The following TLL2 variants were observed in gnomAD, a reference collection of about 807,000 sequenced individuals.
The protein encoded by TLL2 is tolloid-like protein 2.
TLL2 carries 106 observed loss-of-function variants against 123.0 expected under a neutral mutation model. The ratio of observed to expected loss-of-function variants is 0.86; its 90% confidence interval spans 0.74 to 1.01. The LOEUF is 1.01. Among genes scored for constraint, TLL2 ranks in the 50% least tolerant of loss-of-function variants. TLL2 has a pLI of 0.00. For synonymous variants in TLL2, 494 were observed against 516.8 expected, an observed-to-expected ratio of 0.96 and a Z score of 0.60; for missense variants, 1,332 against 1,336.7, an observed-to-expected ratio of 1.00 and a Z score of 0.06.
chr10:96,495,844 C>T (rs1326222463), intron 1 of TLL2, among the ~76,000 whole-genome samples: 1 of 152,028 alleles, frequency 6.6e-6, no homozygotes, highest in Non-Finnish European at 1.5e-5. Flanking sequence ...TGGCCTTCTC[C>T]AGGAATAGAT....
Position 96,422,710 on chromosome 10 carries a change from C to G in TLL2, c.656G>C (p.Gly219Ala). 2 of 1,614,166 alleles carry G rather than the reference C, an allele frequency of 1.2e-6. No homozygotes were observed. The highest frequency in any genetic ancestry group is 4.5e-5 in the East Asian group (2 of 44,884). Residue 219 changes from glycine to alanine, a missense_variant, in exon 6 of 21, where the codon GGG becomes GCG. Coordinates refer to ENST00000357947, the MANE Select transcript of TLL2 (RefSeq NM_012465.4). ...YRTCGCCSYV[G>A]RRGGGPQAIS... Reference sequence around the variant, plus strand: ...GGCCTGTGGGCCTCCTCCTCGGCGCCCAACATAGGAGCAACAGCTGGACAA... The same window carrying G: ...GGCCTGTGGGCCTCCTCCTCGGCGCGCAACATAGGAGCAACAGCTGGACAA...
At chr10:96,449,452 A>G (rs1846933032) in intron 2 of TLL2, among the ~76,000 whole-genome samples, 1 of 152,236 alleles carries the variant, frequency 6.6e-6, no homozygotes, top group African/African-American at 2.4e-5. Context: ...CATGGCAGTT[A>G]AGAATATAGA....
chr10:96,378,811 G>A (rs3827865), intron 17 of TLL2, among the ~76,000 whole-genome samples, 156 bp downstream of exon 17: 50,883 of 152,126 alleles, frequency 0.33, 9,343 homozygotes, highest in East Asian at 0.66. Flanking sequence ...AGATGCCCTG[G>A]GGAAAACTCT....
chr10:96,402,891 C>A (rs572092086), intron 10 of TLL2, among the ~76,000 whole-genome samples: 3 of 152,312 alleles, frequency 2.0e-5, no homozygotes, highest in Non-Finnish European at 4.4e-5. Flanking sequence ...AGCAGTGACA[C>A]CCCACAGTTT....
chr10:96,448,593 G>A (rs1846923426), intron 2 of TLL2, among the ~76,000 whole-genome samples: 1 of 152,172 alleles, frequency 6.6e-6, no homozygotes, highest in Non-Finnish European at 1.5e-5. Flanking sequence ...TGATGCAGAA[G>A]AAACTGTACC....
chr10:96,385,928 G>T, intron 15 of TLL2, 127 bp downstream of exon 15: 1 of 947,248 alleles, frequency 1.1e-6, no homozygotes, highest in Non-Finnish European at 1.4e-6. Context: ...TGCTAGCGCA[G>T]GTCCTAAGAC....
intron 1 of TLL2, among the ~76,000 whole-genome samples, chr10:96,486,876 T>C (rs1215455774): frequency 6.6e-6 from 1 of 152,154 alleles, no homozygotes; most frequent in African/African-American, 2.4e-5. Context: ...TCCCACACTG[T>C]CCCCTGGGCC....
rs559117140 is a variant in TLL2, at chr10:96,403,948, C to T, written c.1267+1284G>A. Reference sequence around the variant, plus strand: ...GAAACATAAATCTGGCCTACGTGCACATCCAGGCATAGTACCTTCCCTTGA... The same window carrying T: ...GAAACATAAATCTGGCCTACGTGCATATCCAGGCATAGTACCTTCCCTTGA... On this transcript the variant is annotated intron_variant, in intron 10 of 20. Transcript: ENST00000357947. Among the ~76,000 whole-genome samples the T allele has an allele frequency of 7.4e-3, 1,102 of 149,478 alleles. 3 individuals are homozygous for T. Among genetic ancestry groups the T allele is most frequent in the Admixed American group, 9.4e-3 (140 of 14,894 alleles).
At chr10:96,398,394 C>T (rs1192882998) in intron 10 of TLL2, among the ~76,000 whole-genome samples, 1 of 152,198 alleles carries the variant, frequency 6.6e-6, no homozygotes, top group Non-Finnish European at 1.5e-5. Flanking sequence ...ACCACCATGC[C>T]TTGGCATAAA....
chr10:96,433,655 T>C (rs1239568881), intron 3 of TLL2, among the ~76,000 whole-genome samples: 13 of 152,334 alleles, frequency 8.5e-5, no homozygotes, highest in Admixed American at 7.8e-4. Flanking sequence ...TAATTTAAAA[T>C]TTTGTTTTCA....
intron 10 of TLL2, among the ~76,000 whole-genome samples, chr10:96,399,118 G>C (rs551163345): frequency 1.3e-5 from 2 of 151,920 alleles, no homozygotes; most frequent in African/African-American, 4.8e-5. Flanking sequence ...TGATCTGCCC[G>C]CCTCAGCTTC....
chr10:96,485,557 A>G (rs1467031633), intron 1 of TLL2, among the ~76,000 whole-genome samples: 1 of 152,274 alleles, frequency 6.6e-6, no homozygotes, highest in African/African-American at 2.4e-5. Context: ...AGCATCAGTC[A>G]TTAGGGAAAT....
At position 96,428,711 on chromosome 10, in the gene TLL2, G is replaced by A; in HGVS notation, c.558C>T (p.His186=). 6.2e-7 allele frequency: 1 copy of A among 1,613,994 alleles called. No individual in the cohort carries two copies. ...AGGTCACACAGGTGTGCTTCTCCCAGTGTCTCATGGCCTGCTTAAAAATGG... is the reference window on the plus strand; with the variant it reads ...AGGTCACACAGGTGTGCTTCTCCCAATGTCTCATGGCCTGCTTAAAAATGG... ...QRAIFKQAMR[H]WEKHTCVTFI... The change falls in exon 5 of 21, where the codon CAC becomes CAT. Residue 186 remains histidine (H), a synonymous_variant. Transcript: ENST00000357947.
At chr10:96,484,496 A>T (rs1267540458) in intron 1 of TLL2, among the ~76,000 whole-genome samples, 6 of 151,722 alleles carry the variant, frequency 4.0e-5, no homozygotes, top group African/African-American at 1.2e-4. Context: ...ATATTACTCA[A>T]CCTCACTGAG....
At chr10:96,496,606 GCCT>G (rs1347372284) in intron 1 of TLL2, among the ~76,000 whole-genome samples, 1 of 152,116 alleles carries the variant, frequency 6.6e-6, no homozygotes, top group Non-Finnish European at 1.5e-5. Flanking sequence ...CTCCTGCCTC[GCCT>G]CCTCATCTAT....
intron 1 of TLL2, among the ~76,000 whole-genome samples, chr10:96,488,589 T>G (rs1847379770): frequency 6.6e-6 from 1 of 152,182 alleles, no homozygotes; most frequent in African/African-American, 2.4e-5. Context: ...GCCCATAGCA[T>G]GAGTCAGCGC....
chr10:96,453,952 A>AT (rs973196338), intron 2 of TLL2, among the ~76,000 whole-genome samples: 1 of 151,974 alleles, frequency 6.6e-6, no homozygotes, highest in African/African-American at 2.4e-5. Context: ...ACAGAGGCTT[A>AT]TTTTTTAAAA....
rs149562540 is a variant in TLL2 at position 96,505,018 on chromosome 10, AAAAT to A, written c.175+8489_175+8492del. ...GCGAGACTCCGTCTCAAAAAAATAA[AAAAT>A]AAATAAATAAATAAATAAATAAATA... On this transcript the variant is annotated intron_variant, in intron 1 of 20. Coordinates refer to ENST00000357947, the MANE Select transcript of TLL2 (RefSeq NM_012465.4). 9.3e-4 allele frequency among the ~76,000 whole-genome samples: 141 copies of A among 151,734 alleles called. 1 individual carries two copies. The highest frequency in any genetic ancestry group is 1.4e-3 in the Non-Finnish European group (94 of 67,826).
Position 96,370,272 on chromosome 10 carries a change from G to A in TLL2, c.2706C>T (p.Leu902=), listed in dbSNP as rs750057523. 5 of 1,607,312 alleles carry A rather than the reference G, an allele frequency of 3.1e-6. No individual in the cohort carries two copies. Among genetic ancestry groups the A allele is most frequent in the Non-Finnish European group, 4.3e-6 (5 of 1,176,440 alleles). ...TGTCCCCAAACTGGGCGTGGGAATA[G>A]AGCTCTTTGGTCTGCACTTCAGCCT... ...RLKAEVQTKE[L]YSHAQFGDNN... Residue 902 remains leucine, a synonymous_variant, in exon 20 of 21, where the codon CTC becomes CTT. Transcript: ENST00000357947.
Sources: gnomAD v4.1 joint callset for allele counts (sites outside exome capture counted in the v4.1 genomes callset) on GRCh38, gnomAD v4.1.1 for gene constraint, MANE v1.5 for transcripts, NCBI Gene and HGNC (gene_info 2026-07-23, HGNC 2026-07-21) for gene names.